The following CTSS variants were observed in gnomAD, a reference collection of about 807,000 sequenced individuals.
CTSS encodes the protein cathepsin S.
A neutral mutation model predicts 39.9 loss-of-function variants in CTSS; 15 were observed. The ratio of observed to expected loss-of-function variants is 0.38; its 90% CI spans 0.25 to 0.58. The LOEUF is 0.58. Among genes scored for constraint, CTSS ranks in the 20% least tolerant of loss-of-function variants. The pLI is 0.70. For missense variants in CTSS, 250 were observed against 398.2 expected (o/e 0.63, Z 3.17); for synonymous variants, 126 against 138.2 (o/e 0.91, Z 0.62).
intron 4 of CTSS, among the ~76,000 whole-genome samples, chr1:150,753,540 C>T (rs1653050698): frequency 6.6e-6 from 1 of 152,192 alleles, no homozygotes. Context: ...AAGCAATTGG[C>T]TTATTGGAGA....
At chr1:150,750,831 G>C (rs1652992677) in intron 5 of CTSS, among the ~76,000 whole-genome samples, 1 of 151,828 alleles carries the variant, frequency 6.6e-6, no homozygotes. Context: ...TAGTAGAGGT[G>C]AGGTCTCACT....
intron 7 of CTSS, among the ~76,000 whole-genome samples, chr1:150,742,682 T>G (rs74127010): frequency 6.6e-6 from 1 of 151,920 alleles, no homozygotes; most frequent in African/African-American, 2.4e-5. Flanking sequence ...CCATTGGGAA[T>G]GGCAAAGAGA....
chr1:150,761,479 C>G (rs1056807100), intron 2 of CTSS, among the ~76,000 whole-genome samples: 1 of 152,132 alleles, frequency 6.6e-6, no homozygotes, highest in African/African-American at 2.4e-5. Flanking sequence ...CACCTGTAAT[C>G]CCAGCACTAT....
intron 2 of CTSS, among the ~76,000 whole-genome samples, chr1:150,763,057 G>A (rs902647287): frequency 6.6e-6 from 1 of 151,094 alleles, no homozygotes; most frequent in Non-Finnish European, 1.5e-5. Context: ...GGATAAAAAA[G>A]TGTGGTACAT....
chr1:150,753,997 A>C (rs1221435185), intron 4 of CTSS, among the ~76,000 whole-genome samples: 1 of 152,080 alleles, frequency 6.6e-6, no homozygotes, highest in Non-Finnish European at 1.5e-5. Context: ...GTTGTCCCTC[A>C]GTATCCACAA....
chr1:150,748,582 CT>C (rs745861762), intron 6 of CTSS, among the ~76,000 whole-genome samples: 1,641 of 136,010 alleles, frequency 0.012, 10 homozygotes, highest in Non-Finnish European at 0.014. Flanking sequence ...CAGATATTAG[CT>C]TTTTTTTTTT....
intron 3 of CTSS, among the ~76,000 whole-genome samples, chr1:150,756,708 CT>C (rs72242218): frequency 0.021 from 2,690 of 131,136 alleles, 18 homozygotes; most frequent in African/African-American, 0.035. Context: ...TTCTTTCTTT[CT>C]TTTTTTTTTT....
At position 150,764,717 on chromosome 1, in the gene CTSS, G is replaced by A. The variant is rs1330916980; in HGVS notation, c.47C>T (p.Ala16Val). ...CVLLVCSSAVAQLHKDPTLDH... is the reference protein window; with the variant it reads ...CVLLVCSSAVVQLHKDPTLDH... ...CAGGGTAGGATCTTTATGCAACTGT[G>A]CCACTGCAGAGGAGCACACCAAGAG... Residue 16 changes from alanine (A) to valine (V), a missense_variant, in exon 2 of 8, where the codon GCA becomes GTA. Coordinates refer to ENST00000368985, the MANE Select transcript of CTSS (RefSeq NM_004079.5). The A allele has an allele frequency of 6.2e-7, 1 of 1,614,072 alleles. No individual in the cohort carries two copies. Among genetic ancestry groups the A allele is most frequent in the East Asian group, 2.2e-5 (1 of 44,878 alleles).
intron 1 of CTSS, among the ~76,000 whole-genome samples, chr1:150,765,210 A>G (rs587639198): frequency 2.4e-4 from 36 of 150,306 alleles, no homozygotes; most frequent in African/African-American, 7.8e-4. Flanking sequence ...TTAAATATCC[A>G]CAGTCTTTAC....
In CTSS at chr1:150,742,633, G is replaced by A. The variant is rs114620109; in HGVS notation, c.896+5144C>T. 3.2e-3 allele frequency among the ~76,000 whole-genome samples: 493 copies of A among 152,102 alleles called. 1 individual carries two copies. The highest frequency in any genetic ancestry group is 0.011 in the African/African-American group (446 of 41,494). Reference sequence around the variant, plus strand: ...ATGATCTATATTTTAAAAAGATACCGCTATAGCTGGGTAGAATGGAATCTG... The same window carrying A: ...ATGATCTATATTTTAAAAAGATACCACTATAGCTGGGTAGAATGGAATCTG... On this transcript the variant is annotated intron_variant, in intron 7 of 7. Transcript: ENST00000368985.
Position 150,755,036 on chromosome 1 carries a change from T to G in CTSS, c.364A>C (p.Arg122=). 2 of 1,614,126 alleles carry G rather than the reference T, an allele frequency of 1.2e-6. No individual in the cohort carries two copies. Among genetic ancestry groups the G allele is most frequent in the Non-Finnish European group, 1.7e-6 (2 of 1,180,000 alleles). Residue 122 remains arginine (R), a synonymous_variant, in exon 4 of 8, where the codon AGA becomes CGA. Coordinates refer to ENST00000368985, the MANE Select transcript of CTSS (RefSeq NM_004079.5). ...NRILPDSVDW[R]EKGCVTEVKY... ...ACTTCAGTAACACACCCTTTCTCTC[T>G]CCAGTCCACAGAATCAGGCAATATC...
chr1:150,743,586 TG>T (rs1652816935), intron 7 of CTSS, among the ~76,000 whole-genome samples: 1 of 119,750 alleles, frequency 8.4e-6, no homozygotes, highest in African/African-American at 2.9e-5. Flanking sequence ...ATATTATATA[TG>T]TATATTATGT....
intron 3 of CTSS, among the ~76,000 whole-genome samples, chr1:150,755,805 T>A (rs587602482): frequency 5.3e-5 from 8 of 151,426 alleles, no homozygotes; most frequent in African/African-American, 1.9e-4. Context: ...AGGCCTGGAG[T>A]TGCTCTGGGT....
chr1:150,760,845 C>G (rs975597033), intron 2 of CTSS, among the ~76,000 whole-genome samples: 3 of 150,408 alleles, frequency 2.0e-5, no homozygotes, highest in African/African-American at 7.4e-5. Context: ...CACACCACTT[C>G]ACTCCAACCT....
chr1:150,759,967 C>T (rs1238535528), intron 2 of CTSS, among the ~76,000 whole-genome samples: 3 of 151,578 alleles, frequency 2.0e-5, no homozygotes, highest in African/African-American at 7.3e-5. Flanking sequence ...GGGCTTACTT[C>T]CAAACCACAA....
At chr1:150,760,660 T>A (rs1217346128) in intron 2 of CTSS, among the ~76,000 whole-genome samples, 6 of 151,730 alleles carry the variant, frequency 4.0e-5, no homozygotes. Flanking sequence ...GGGAGGATTG[T>A]GTGAATCTAG....
intron 4 of CTSS, among the ~76,000 whole-genome samples, chr1:150,754,111 CTTT>C (rs751446609): frequency 1.8e-4 from 23 of 128,214 alleles, no homozygotes; most frequent in South Asian, 2.7e-4. Context: ...CTCCTATACA[CTTT>C]TTTTTTTTTT....
chr1:150,745,020 A>ACCC (rs1652865524), intron 7 of CTSS, among the ~76,000 whole-genome samples: 1 of 152,076 alleles, frequency 6.6e-6, no homozygotes, highest in South Asian at 2.1e-4. Flanking sequence ...ACTGGTCTAC[A>ACCC]CCCAAGCTGA....
intron 4 of CTSS, among the ~76,000 whole-genome samples, 155 bp from the exon 5 acceptor site, chr1:150,752,163 G>A (rs184533958): frequency 9.3e-4 from 141 of 152,258 alleles, no homozygotes; most frequent in African/African-American, 3.4e-3. Flanking sequence ...TTAACAATGG[G>A]AATGAAGACT....
Sources: gnomAD v4.1 joint callset for allele counts (sites outside exome capture counted in the v4.1 genomes callset) on GRCh38, gnomAD v4.1.1 for gene constraint, MANE v1.5 for transcripts, NCBI Gene and HGNC (gene_info 2026-07-23, HGNC 2026-07-21) for gene names.